Variants in LTBP1 observed in about 807,000 individuals in gnomAD.
LTBP1 encodes latent transforming growth factor beta binding protein 1, also known as latent-transforming growth factor beta-binding protein 1.
Under a neutral mutation model 207.6 loss-of-function variants are expected in LTBP1, and 129 were observed. That is an observed-to-expected ratio of 0.62 (90% CI 0.54 to 0.72). The LOEUF is 0.72. Ranked by LOEUF, LTBP1 falls within the 30% of genes least tolerant of loss-of-function variation. The pLI is 0.00. For missense variants in LTBP1, 2,281 were observed against 2,217.2 expected (o/e 1.03, Z -0.58); for synonymous variants, 963 against 833.7 (o/e 1.16, Z -2.67).
At position 33,134,810 on chromosome 2, in the gene LTBP1, C is replaced by T. The variant is rs148516717; in HGVS notation, c.1051C>T (p.Arg351Cys). The change falls in exon 5 of 34, where the codon CGC becomes TGC. Residue 351 changes from arginine to cysteine, a missense_variant. Arg to Cys is a radical substitution (Grantham distance 180, BLOSUM62 -3). This residue lies in a region of LTBP1 where 555 missense variants were observed against 491.0 expected (regional missense o/e 1.13). Transcript: ENST00000404816. This position sits in a 1 kb window ranked among gnomAD's most constrained non-coding sequence, Gnocchi z 4.4. ...APFQLSNHTG[R>C]IKVVFTPSIC... ...GCTCCTAGTGAGTAACCACACTGGCCGCATCAAGGTGGTCTTTACTCCGAG... is the reference window on the plus strand; with the variant it reads ...GCTCCTAGTGAGTAACCACACTGGCTGCATCAAGGTGGTCTTTACTCCGAG... 4 of 1,614,036 alleles carry T rather than the reference C, an allele frequency of 2.5e-6. No individual in the cohort carries two copies. The highest frequency in any genetic ancestry group is 1.1e-5 in the South Asian group (1 of 91,066).
At chr2:32,972,583 T>A (rs1230713160) in intron 2 of LTBP1, among the ~76,000 whole-genome samples, 2 of 152,144 alleles carry the variant, frequency 1.3e-5, no homozygotes, top group Non-Finnish European at 2.9e-5. Context: ...TATGGTGATA[T>A]GGTTTAGCTC....
chr2:32,963,331 A>C (rs1014448867), intron 2 of LTBP1, among the ~76,000 whole-genome samples: 5 of 151,552 alleles, frequency 3.3e-5, no homozygotes, highest in African/African-American at 1.2e-4. Context: ...CAGCCCCCCG[A>C]GTAGCTAGGA....
At chr2:32,987,119 C>T (rs1479678628) in intron 2 of LTBP1, among the ~76,000 whole-genome samples, 1 of 152,184 alleles carries the variant, frequency 6.6e-6, no homozygotes, top group African/African-American at 2.4e-5. Context: ...AGATCAGCAT[C>T]AGCTATAGCT....
intron 5 of LTBP1, among the ~76,000 whole-genome samples, chr2:33,166,763 G>A (rs543582978): frequency 1.3e-5 from 2 of 152,284 alleles, no homozygotes; most frequent in Admixed American, 1.3e-4. Flanking sequence ...ACCTGAACTT[G>A]ACATACCAAG....
rs1949 is a variant in LTBP1 at position 33,117,950 on chromosome 2, G to A, written c.1033+7199G>A. Among the ~76,000 whole-genome samples, 1,471 of 152,204 alleles carry A rather than the reference G, an allele frequency of 9.7e-3. 77 individuals are homozygous for A. The highest frequency in any genetic ancestry group is 0.086 in the Admixed American group (1,312 of 15,286). On this transcript the variant is annotated intron_variant, in intron 4 of 33. Coordinates refer to ENST00000404816, the MANE Select transcript of LTBP1 (RefSeq NM_206943.4). ...CCTTAATGTCGATGTTGAAGTTTAGGATATGGATGGTATCACACTCATGTG... is the reference window on the plus strand; with the variant it reads ...CCTTAATGTCGATGTTGAAGTTTAGAATATGGATGGTATCACACTCATGTG...
At position 33,115,140 on chromosome 2, in the gene LTBP1, AC is replaced by A. The variant is rs1230827090; in HGVS notation, c.1033+4390del. ...CACACATATATATACACACACACAC[AC>A]AATGTAGGAGTATTACTCAGCCATA... On this transcript the variant is annotated intron_variant, in intron 4 of 33. Coordinates refer to ENST00000404816, the MANE Select transcript of LTBP1 (RefSeq NM_206943.4). Among the ~76,000 whole-genome samples, 7 of 151,120 alleles carry A rather than the reference AC, an allele frequency of 4.6e-5. No individual in the cohort carries two copies. In the East Asian group the frequency reaches 1.4e-3, roughly 29 times the overall value.
chr2:33,193,455 A>G (rs1371656210), intron 7 of LTBP1, among the ~76,000 whole-genome samples: 1 of 152,186 alleles, frequency 6.6e-6, no homozygotes, highest in African/African-American at 2.4e-5. Flanking sequence ...AAATGTCCTT[A>G]TTCTTAATAG....
At chr2:33,256,599 C>T (rs2092858578) in intron 11 of LTBP1, among the ~76,000 whole-genome samples, 3 of 151,238 alleles carry the variant, frequency 2.0e-5, no homozygotes, top group East Asian at 1.9e-4. Context: ...AAGACATATA[C>T]ATGCAACATG....
intron 10 of LTBP1, among the ~76,000 whole-genome samples, chr2:33,246,623 T>A (rs992624895): frequency 1.3e-5 from 2 of 152,104 alleles, no homozygotes; most frequent in Admixed American, 1.3e-4. Flanking sequence ...ACAGCATGAA[T>A]TTAGGCCATA....
chr2:32,962,096 T>C (rs908268922), intron 2 of LTBP1, among the ~76,000 whole-genome samples: 6 of 152,186 alleles, frequency 3.9e-5, no homozygotes, highest in African/African-American at 1.4e-4. Context: ...ATGCATAAAA[T>C]GTACCCATTT....
At chr2:33,039,898 G>A (rs956917661) in intron 3 of LTBP1, among the ~76,000 whole-genome samples, 1 of 152,114 alleles carries the variant, frequency 6.6e-6, no homozygotes, top group African/African-American at 2.4e-5. Flanking sequence ...TTTAGATGAC[G>A]AAGCTTGGTT....
At chr2:33,347,531 G>T in intron 26 of LTBP1, 21 bp downstream of exon 26, 2 of 1,613,558 alleles carry the variant, frequency 1.2e-6, no homozygotes, top group South Asian at 2.2e-5. Flanking sequence ...GTGACACTGT[G>T]CAAGGGAATG....
intron 3 of LTBP1, among the ~76,000 whole-genome samples, chr2:33,086,928 A>G (rs1315665480): frequency 6.6e-6 from 1 of 151,544 alleles, no homozygotes; most frequent in Non-Finnish European, 1.5e-5. Flanking sequence ...TCTTGTGGAT[A>G]TTTGCATTGT....
At chr2:33,312,033 T>C (rs1231689227) in intron 23 of LTBP1, among the ~76,000 whole-genome samples, 2 of 152,212 alleles carry the variant, frequency 1.3e-5, no homozygotes, top group Non-Finnish European at 2.9e-5. Context: ...CACCTCCTGT[T>C]AGAAGCTGTA....
At chr2:32,950,214 G>T (rs759671472) in intron 2 of LTBP1, among the ~76,000 whole-genome samples, 3 of 152,096 alleles carry the variant, frequency 2.0e-5, no homozygotes, top group African/African-American at 4.8e-5. Context: ...GAGATAACTC[G>T]TCTGTTAACA....
At chr2:33,314,610 T>C (rs1201528142) in intron 23 of LTBP1, among the ~76,000 whole-genome samples, 3 of 152,186 alleles carry the variant, frequency 2.0e-5, no homozygotes. Context: ...TTCCAATGAG[T>C]TATAGATTGG....
intron 4 of LTBP1, among the ~76,000 whole-genome samples, chr2:33,132,052 A>G (rs968805303): frequency 6.6e-6 from 1 of 152,216 alleles, no homozygotes; most frequent in African/African-American, 2.4e-5. Context: ...CTACAAGTTA[A>G]TGCCAGAGAA....
chr2:32,960,949 A>G (rs138832918), intron 2 of LTBP1, among the ~76,000 whole-genome samples: 263 of 152,340 alleles, frequency 1.7e-3, no homozygotes, highest in Middle Eastern at 3.4e-3. Context: ...GCCACAGATA[A>G]GATAACAAGA....
At position 33,120,815 on chromosome 2, in the gene LTBP1, G is replaced by A. The variant is rs867363129; in HGVS notation, c.1033+10064G>A. On this transcript the variant is annotated intron_variant, in intron 4 of 33. Transcript: ENST00000404816. ...ACTAATTTATACTCCCACCAGCAGT[G>A]TTGTATGTGTATTTTTTAAAGTAAT... Among the ~76,000 whole-genome samples the A allele has an allele frequency of 1.1e-4, 17 of 152,298 alleles. No individual in the cohort carries two copies. The Middle Eastern group carries it at 0.014, about 122-fold the overall frequency.
Sources: gnomAD v4.1 joint callset for allele counts (sites outside exome capture counted in the v4.1 genomes callset) on GRCh38, gnomAD v4.1.1 for gene constraint, gnomAD v4.1.1 regional missense constraint, Gnocchi (gnomAD v3.1) non-coding constraint, MANE v1.5 for transcripts, NCBI Gene and HGNC (gene_info 2026-07-23, HGNC 2026-07-21) for gene names.